The following PRR14L variants were observed in gnomAD, a reference collection of about 807,000 sequenced individuals.
PRR14L encodes proline rich 14 like, also known as protein PRR14L.
In PRR14L, 80 loss-of-function variants were observed where a neutral mutation model predicts 155.0. That is an observed-to-expected ratio of 0.52 (90% CI 0.43 to 0.62). PRR14L has a LOEUF of 0.62. PRR14L is among the 20% of genes least tolerant of loss of function. The pLI, the probability that PRR14L is intolerant of heterozygous loss-of-function variation, is 0.00. For synonymous variants in PRR14L, 883 were observed against 916.0 expected (o/e 0.96, Z 0.65); for missense variants, 2,469 against 2,548.0 (o/e 0.97, Z 0.67).
At chr22:31,705,199 T>C (rs1188366719) in intron 4 of PRR14L, among the ~76,000 whole-genome samples, 1 of 152,100 alleles carries the variant, frequency 6.6e-6, no homozygotes, top group African/African-American at 2.4e-5. Flanking sequence ...AGATCAAGAC[T>C]GAAGTAAGCC....
chr22:31,708,349 CA>C (rs2074602487), intron 4 of PRR14L, among the ~76,000 whole-genome samples: 1 of 151,854 alleles, frequency 6.6e-6, no homozygotes, highest in South Asian at 2.1e-4. Context: ...ATTTTTGAGA[CA>C]GAGTCTCACT....
At chr22:31,733,604 G>T (rs1448608481) in intron 2 of PRR14L, among the ~76,000 whole-genome samples, 1 of 152,036 alleles carries the variant, frequency 6.6e-6, no homozygotes, top group Non-Finnish European at 1.5e-5. Flanking sequence ...TATCTTTTAA[G>T]GCAGGTTTCC....
rs529730853 is a variant in PRR14L, at chr22:31,722,877, T to C, written c.547+2661A>G. 1.2e-4 allele frequency among the ~76,000 whole-genome samples: 18 copies of C among 152,286 alleles called. No individual in the cohort carries two copies. In the South Asian group the frequency reaches 3.7e-3, roughly 32 times the overall value. On this transcript the variant is annotated intron_variant, in intron 3 of 8. Transcript: ENST00000327423. ...TCCACAGTAAAGATAAAGTAGCAGA[T>C]GCCTGACCTTGGCAGAGCAAGCCAA...
intron 2 of PRR14L, among the ~76,000 whole-genome samples, chr22:31,727,302 C>T (rs1015558130): frequency 6.7e-5 from 10 of 149,784 alleles, no homozygotes; most frequent in South Asian, 2.1e-4. Flanking sequence ...GGTGCGATCT[C>T]GGCTCACTGC....
chr22:31,738,416 C>A lies in PRR14L; in HGVS notation c.445G>T (p.Ala149Ser), dbSNP rs1310414248. 1.3e-6 allele frequency: 2 copies of A among 1,552,342 alleles called. No homozygotes were observed. Among genetic ancestry groups the A allele is most frequent in the Non-Finnish European group, 1.7e-6 (2 of 1,147,132 alleles). ...AKEDPHQHSTAAEEKTSPSQE... is the reference protein window; with the variant it reads ...AKEDPHQHSTSAEEKTSPSQE... ...CTCGGGCTAGTCTTTTCTTCAGCAG[C>A]TGTGGAATGTTGATGTGGATCTTCC... is the stretch of plus-strand genomic sequence containing the variant. The change falls in exon 2 of 9, where the codon GCT becomes TCT. Residue 149 changes from alanine (A) to serine (S), a missense_variant. Coordinates refer to ENST00000327423, the MANE Select transcript of PRR14L (RefSeq NM_173566.3).
At chr22:31,701,824 T>G in intron 6 of PRR14L, 62 bp from the exon 7 acceptor site, 1 of 1,348,124 alleles carries the variant, frequency 7.4e-7, no homozygotes, top group Non-Finnish European at 1.0e-6. Flanking sequence ...TATATATTTT[T>G]TGAGACAAGG....
chr22:31,725,928 C>A (rs1302544819), intron 2 of PRR14L, among the ~76,000 whole-genome samples: 1 of 152,004 alleles, frequency 6.6e-6, no homozygotes, highest in South Asian at 2.1e-4. Context: ...CTCCGCCTCC[C>A]AAAGTGCTAG....
At chr22:31,721,461 G>A (rs1354274289) in intron 3 of PRR14L, among the ~76,000 whole-genome samples, 1 of 151,932 alleles carries the variant, frequency 6.6e-6, no homozygotes, top group Non-Finnish European at 1.5e-5. Context: ...CCAGCTACTC[G>A]GGAGACTGAG....
rs897128731 is a variant in PRR14L at position 31,714,654 on chromosome 22, T to C, written c.3185A>G (p.Asn1062Ser). Residue 1062 changes from asparagine (N) to serine (S), a missense_variant, in exon 4 of 9, where the codon AAT becomes AGT. Coordinates refer to ENST00000327423, the MANE Select transcript of PRR14L (RefSeq NM_173566.3). ...GTCCAGCACACCTTCTGCAAGCTTATTACTACAGTCCGTGTAGACGATGTC... is the reference window on the plus strand; with the variant it reads ...GTCCAGCACACCTTCTGCAAGCTTACTACTACAGTCCGTGTAGACGATGTC... ...MVDIVYTDCS[N>S]KLAEGVLDVK... The C allele has an allele frequency of 2.6e-6, 4 of 1,552,134 alleles. No homozygotes were observed. In the African/African-American group the frequency reaches 5.5e-5, roughly 21 times the overall value.
rs530983622 is a variant in PRR14L at position 31,703,807 on chromosome 22, T to C, written c.5829-86A>G. 3.8e-3 allele frequency: 3,606 copies of C among 958,890 alleles called. 17 individuals are homozygous for C. Among genetic ancestry groups the C allele is most frequent in the Non-Finnish European group, 4.7e-3 (3,226 of 688,690 alleles). The allele number at this position is 958,890 out of a possible 1,614,324, so 59.4% of individuals were successfully genotyped here. Reference sequence around the variant, plus strand: ...AACTTCTTCTTCTTCATTTTTTTTTTTTTTTTTGAGAAGGAGTTTTGCTCT... The same window carrying C: ...AACTTCTTCTTCTTCATTTTTTTTTCTTTTTTTGAGAAGGAGTTTTGCTCT... On this transcript the variant is annotated intron_variant, in intron 5 of 8. Coordinates refer to ENST00000327423, the MANE Select transcript of PRR14L (RefSeq NM_173566.3).
intron 8 of PRR14L, 59 bp downstream of exon 8, chr22:31,688,097 G>A (rs1338487774): frequency 6.7e-7 from 1 of 1,500,746 alleles, no homozygotes; most frequent in Admixed American, 2.0e-5. Context: ...GAAAGGGCTG[G>A]AGATTCACAT....
At chr22:31,734,159 G>T (rs536039730) in intron 2 of PRR14L, among the ~76,000 whole-genome samples, 3 of 152,184 alleles carry the variant, frequency 2.0e-5, no homozygotes, top group African/African-American at 7.2e-5. Flanking sequence ...TTTTAGTAAA[G>T]ATGGGGTTTC....
chr22:31,743,172 C>T (rs1273327455), intron 1 of PRR14L, among the ~76,000 whole-genome samples: 1 of 151,942 alleles, frequency 6.6e-6, no homozygotes, highest in East Asian at 1.9e-4. Context: ...CATGGTGGCA[C>T]GCGCCTGTAG....
At chr22:31,697,269 T>A (rs895670296) in intron 7 of PRR14L, among the ~76,000 whole-genome samples, 2 of 132,762 alleles carry the variant, frequency 1.5e-5, no homozygotes, top group African/African-American at 6.0e-5. Context: ...ACCACTGCAC[T>A]CCAGCCTGGG....
At chr22:31,702,268 G>A (rs2074566855) in intron 6 of PRR14L, among the ~76,000 whole-genome samples, 1 of 151,904 alleles carries the variant, frequency 6.6e-6, no homozygotes, top group African/African-American at 2.4e-5. Context: ...TGTTGCCCAG[G>A]CTTAAATGCA....
intron 1 of PRR14L, among the ~76,000 whole-genome samples, chr22:31,743,732 G>A (rs1268545425): frequency 1.3e-5 from 2 of 151,560 alleles, no homozygotes; most frequent in Non-Finnish European, 2.9e-5. Context: ...AACCTGGAAG[G>A]CGGAGGCTGC....
At chr22:31,712,007 C>T (rs1029060147) in intron 4 of PRR14L, 76 bp downstream of exon 4, 14 of 1,357,596 alleles carry the variant, frequency 1.0e-5, no homozygotes, top group South Asian at 1.4e-5. Flanking sequence ...TTGCATTTCC[C>T]GCAGTTCCCC....
At chr22:31,700,778 A>C (rs2074559033) in intron 7 of PRR14L, among the ~76,000 whole-genome samples, 1 of 151,278 alleles carries the variant, frequency 6.6e-6, no homozygotes, top group South Asian at 2.1e-4. Flanking sequence ...CTGGTCTCAA[A>C]CTCCTGACCT....
At chr22:31,725,250 T>C (rs142034662) in intron 3 of PRR14L, among the ~76,000 whole-genome samples, 1 of 151,982 alleles carries the variant, frequency 6.6e-6, no homozygotes, top group East Asian at 1.9e-4. Context: ...AAAAAAAATT[T>C]ACAAAATCAG....
Sources: allele counts gnomAD v4.1 joint callset (sites outside exome capture counted in the v4.1 genomes callset), GRCh38; gene constraint gnomAD v4.1.1; transcripts MANE v1.5; gene names NCBI Gene and HGNC (gene_info 2026-07-23, HGNC 2026-07-21).